Variants in EFS observed in about 807,000 individuals in gnomAD.
EFS encodes embryonal Fyn-associated substrate.
In EFS, 34 loss-of-function variants were observed where a neutral mutation model predicts 42.2. The observed-to-expected ratio is 0.81, with a 90% CI of 0.61 to 1.07. The LOEUF is 1.07. Ranked by LOEUF, EFS falls within the 50% of genes least tolerant of loss-of-function variation. The pLI, the probability that EFS is intolerant of heterozygous loss-of-function variation, is 0.00. For synonymous variants in EFS, 299 were observed against 320.7 expected (o/e 0.93, Z 0.72); for missense variants, 717 against 729.4 (o/e 0.98, Z 0.20).
chr14:23,360,716 A>G lies in EFS; in HGVS notation c.136T>C (p.Trp46Arg). The G allele has an allele frequency of 6.2e-7, 1 of 1,613,880 alleles. No homozygotes were observed. Among genetic ancestry groups the G allele is most frequent in the Non-Finnish European group, 8.5e-7 (1 of 1,179,872 alleles). ...QREGAGGLDG[W>R]CLCSLHGQQG... Reference sequence around the variant, plus strand: ...TGGCCGTGTAGGGAGCAGAGGCACCAGCCGTCCAGTCCACCAGCGCCCTCT... The same window carrying G: ...TGGCCGTGTAGGGAGCAGAGGCACCGGCCGTCCAGTCCACCAGCGCCCTCT... Residue 46 changes from tryptophan (W) to arginine (R), a missense_variant, in exon 2 of 6, where the codon TGG (tryptophan) becomes CGG (arginine). Transcript: ENST00000216733.
At position 23,358,967 on chromosome 14, in the gene EFS, T is replaced by C. The variant is rs750144956; in HGVS notation, c.1162-2A>G. ...AGATCCCTGAGCTTTGTCCATGCCCTGCAGGAGGGGATCAGGTCTCAGTGT... is the reference window on the plus strand; with the variant it reads ...AGATCCCTGAGCTTTGTCCATGCCCCGCAGGAGGGGATCAGGTCTCAGTGT... On this transcript the variant is annotated splice_acceptor_variant, in intron 4 of 5. Transcript: ENST00000216733. LOFTEE classifies it high-confidence loss of function. 24 of 1,607,072 alleles carry C rather than the reference T, an allele frequency of 1.5e-5. No individual in the cohort carries two copies. In the African/African-American group the frequency reaches 2.9e-4, roughly 20 times the overall value.
intron 2 of EFS, 96 bp from the exon 3 acceptor site, chr14:23,360,377 C>T: frequency 6.6e-7 from 1 of 1,515,170 alleles, no homozygotes; most frequent in Non-Finnish European, 8.8e-7. Flanking sequence ...TCTAACTCTC[C>T]CTGTATCGAG....
In EFS at chr14:23,359,855, C is replaced by T; in HGVS notation, c.623G>A (p.Gly208Glu). The stretch of plus-strand genomic sequence containing the variant: ...GATGGGGGGCCCCGGCTCCCGGCCT[C>T]CTTCCCACTCCAGATCTGGTTCCAG... ...AELEPDLEWE[G>E]GREPGPPIYA... Residue 208 changes from glycine to glutamate, a missense_variant, in exon 4 of 6, where the codon GGA becomes GAA. Transcript: ENST00000216733. The T allele has an allele frequency of 2.0e-6, 3 of 1,524,646 alleles. No homozygotes were observed. The highest frequency in any genetic ancestry group is 2.6e-6 in the Non-Finnish European group (3 of 1,139,578). 94.4% of individuals were successfully genotyped at this position (1,524,646 alleles called of 1,614,324 possible).
rs1221346521 is a variant in EFS, at chr14:23,360,588, A to G, written c.264T>C (p.Tyr88=). The change falls in exon 2 of 6, where the codon TAT becomes TAC. Residue 88 remains tyrosine (Y), a synonymous_variant. Transcript: ENST00000216733. ...PASPAQPGSP[Y]PAPDHSNEDQ... ...CCTCATTGCTGTGATCTGGGGCTGG[A>G]TATGGTGAGCCAGGCTGGGCTGGGG... 1 of 1,571,728 alleles carries G rather than the reference A, an allele frequency of 6.4e-7. No individual in the cohort carries two copies. Among genetic ancestry groups the G allele is most frequent in the African/African-American group, 1.3e-5 (1 of 74,082 alleles).
chr14:23,363,480 C>T (rs552750151), intron 1 of EFS, among the ~76,000 whole-genome samples: 1 of 152,042 alleles, frequency 6.6e-6, no homozygotes, highest in South Asian at 2.1e-4. Flanking sequence ...TGCCCCTGAC[C>T]CCAAAAAGAA....
rs1290454225 is a variant in EFS at position 23,363,340 on chromosome 14, G to C, written c.18+1668C>G. 2.0e-5 allele frequency among the ~76,000 whole-genome samples: 3 copies of C among 152,176 alleles called. No individual in the cohort carries two copies. In the East Asian group the frequency reaches 5.8e-4, roughly 29 times the overall value. ...AGATAATAACAATACTACCTTCACA[G>C]GGTAGTTGTGAGAGTTGCATGAGAT... On this transcript the variant is annotated intron_variant, in intron 1 of 5. Transcript: ENST00000216733.
At position 23,360,289 on chromosome 14, in the gene EFS, A is replaced by G. The variant is rs1890101484; in HGVS notation, c.298-8T>C. ...GGGCGGCACCACATACACCTGAGGG[A>G]TCAAATAGATGGGGGGTCAGGAGGA... On this transcript the variant is annotated splice_polypyrimidine_tract_variant and splice_region_variant and intron_variant, in intron 2 of 5. Coordinates refer to ENST00000216733, the MANE Select transcript of EFS (RefSeq NM_005864.4). The G allele has an allele frequency of 1.9e-6, 3 of 1,604,030 alleles. No homozygotes were observed. In the Middle Eastern group the frequency reaches 5.0e-4, roughly 267 times the overall value.
Position 23,357,537 on chromosome 14 carries a change from A to G in EFS, c.1375T>C (p.Ser459Pro). 2.5e-6 allele frequency: 4 copies of G among 1,613,100 alleles called. No homozygotes were observed. The highest frequency in any genetic ancestry group is 1.3e-5 in the African/African-American group (1 of 75,044). The change falls in exon 6 of 6, where the codon TCC becomes CCC. Residue 459 changes from serine to proline, a missense_variant. Physicochemically the swap from Ser to Pro is moderately conservative, Grantham distance 74. Coordinates refer to ENST00000216733, the MANE Select transcript of EFS (RefSeq NM_005864.4). ...ALQAAVAALM[S>P]STQANQPPRL... ...GGGGGCTGATTAGCCTGGGTACTGG[A>G]CATCAGGGCTGCCACGGCTGCCTGC...
chr14:23,358,421 G>A (rs1483023561), intron 5 of EFS, among the ~76,000 whole-genome samples: 1 of 152,208 alleles, frequency 6.6e-6, no homozygotes, highest in African/African-American at 2.4e-5. Flanking sequence ...ATTGTGTTGC[G>A]ACCATTCTAC....
In EFS at chr14:23,358,899, C is replaced by G. The variant is rs149944703; in HGVS notation, c.1228G>C (p.Glu410Gln). The change falls in exon 5 of 6, where the codon GAG becomes CAG. Residue 410 changes from glutamate (E) to glutamine (Q), a missense_variant. Physicochemically the swap from Glu to Gln is conservative, Grantham distance 29. Transcript: ENST00000216733. The stretch of plus-strand genomic sequence containing the variant: ...ACCTGCGGCGCCGGCATCCCCCTCT[C>G]GGGCAGTTCAGGATCCCCTGTGCAG... ...QACTGDPELP[E>Q]RGMPAPQEAL... 6.2e-6 allele frequency: 10 copies of G among 1,612,828 alleles called. No individual in the cohort carries two copies. The highest frequency in any genetic ancestry group is 1.7e-5 in the Admixed American group (1 of 59,840).
chr14:23,361,639 T>G (rs1430554542), intron 1 of EFS, among the ~76,000 whole-genome samples: 1 of 152,118 alleles, frequency 6.6e-6, no homozygotes, highest in African/African-American at 2.4e-5. Context: ...TGAAGGGGGT[T>G]GGCAGGCCAA....
At position 23,365,085 on chromosome 14, in the gene EFS, T is replaced by C; in HGVS notation, c.-60A>G. On this transcript the variant is annotated 5_prime_UTR_variant, in exon 1 of 6. Transcript: ENST00000216733. This position sits in a 1 kb window ranked among gnomAD's most constrained non-coding sequence, Gnocchi z 5.3. The stretch of plus-strand genomic sequence containing the variant: ...GGCTCGGTTTTGCTGACTTCAGCGG[T>C]GGCTGCCCCGCACCATGGTCCGCGG... 33 of 1,263,942 alleles carry C rather than the reference T, an allele frequency of 2.6e-5. 1 individual carries two copies. Among genetic ancestry groups the C allele is most frequent in the Non-Finnish European group, 3.3e-5 (33 of 994,556 alleles). The allele number at this position is 1,263,942 out of a possible 1,614,324, so 78.3% of individuals were successfully genotyped here.
rs1465754133 is a variant in EFS, at chr14:23,357,125, C to T, written c.*101G>A. ...GAAAGGGCAGGAAAGGGGAAAGATA[C>T]CCCCATTTCTCCTAGTCCCTTAACA... On this transcript the variant is annotated 3_prime_UTR_variant, in exon 6 of 6. Transcript: ENST00000216733. The T allele has an allele frequency of 7.0e-6, 8 of 1,135,040 alleles. No individual in the cohort carries two copies. The highest frequency in any genetic ancestry group is 6.3e-5 in the African/African-American group (4 of 63,896). The allele number at this position is 1,135,040 out of a possible 1,614,324, so 70.3% of individuals were successfully genotyped here.
chr14:23,360,136 C>T lies in EFS; in HGVS notation c.438+5G>A. 1 of 1,614,192 alleles carries T rather than the reference C, an allele frequency of 6.2e-7. No homozygotes were observed. Among genetic ancestry groups the T allele is most frequent in the Non-Finnish European group, 8.5e-7 (1 of 1,180,028 alleles). On this transcript the variant is annotated splice_donor_5th_base_variant and intron_variant, in intron 3 of 5. Transcript: ENST00000216733. ...CCAACATACACAGGGACCTCTAGCCCTCACCTCCAAGGCATCTCTGGGAGC... is the reference window on the plus strand; with the variant it reads ...CCAACATACACAGGGACCTCTAGCCTTCACCTCCAAGGCATCTCTGGGAGC...
At chr14:23,363,304 T>C (rs1890214973) in intron 1 of EFS, among the ~76,000 whole-genome samples, 1 of 152,176 alleles carries the variant, frequency 6.6e-6, no homozygotes, top group Non-Finnish European at 1.5e-5. Flanking sequence ...CATATGCGCA[T>C]ATCCATTTTC....
Position 23,359,306 on chromosome 14 carries a change from G to C in EFS, c.1161+11C>G. The stretch of plus-strand genomic sequence containing the variant: ...GGGTCCCTCCTGGTGGGGCTGCCAA[G>C]GGGCGCTCACCTTCAGGTGGACATA... On this transcript the variant is annotated intron_variant, in intron 4 of 5. Transcript: ENST00000216733. 1 of 1,612,490 alleles carries C rather than the reference G, an allele frequency of 6.2e-7. No individual in the cohort carries two copies. Among genetic ancestry groups the C allele is most frequent in the African/African-American group, 1.3e-5 (1 of 75,028 alleles).
Position 23,357,192 on chromosome 14 carries a change from G to A in EFS, c.*34C>T, listed in dbSNP as rs768974432. 1 of 1,485,860 alleles carries A rather than the reference G, an allele frequency of 6.7e-7. No individual in the cohort carries two copies. 92.0% of individuals were successfully genotyped at this position (1,485,860 alleles called of 1,614,324 possible). A position where few individuals can be genotyped will look rare whatever the true frequency, so the allele number is the denominator to read the frequency against. On this transcript the variant is annotated 3_prime_UTR_variant, in exon 6 of 6. Transcript: ENST00000216733. ...CAAGGCCTAAAGGGGGGCTTTGGCAGGCAGGGGAGGAGCAGAGCTGTGCCA... is the reference window on the plus strand; with the variant it reads ...CAAGGCCTAAAGGGGGGCTTTGGCAAGCAGGGGAGGAGCAGAGCTGTGCCA...
rs2138537533 is a variant in EFS at position 23,360,031 on chromosome 14, A to G, written c.447T>C (p.Asp149=). Residue 149 remains aspartate (D), a synonymous_variant, in exon 4 of 6, where the codon GAT becomes GAC. Coordinates refer to ENST00000216733, the MANE Select transcript of EFS (RefSeq NM_005864.4). ...GCACCCGGAGGGCGGTGGGGGGCAC[A>G]TCGTAGACCTGCGGAAAGGAGTGGT... The part of the protein sequence containing the change: ...AAPRDALEVY[D]VPPTALRVPS... 6.2e-7 allele frequency: 1 copy of G among 1,612,046 alleles called. No homozygotes were observed. Among genetic ancestry groups the G allele is most frequent in the Non-Finnish European group, 8.5e-7 (1 of 1,179,176 alleles).
chr14:23,360,932 G>C (rs1890133708), intron 1 of EFS, 99 bp from the exon 2 acceptor site: 7 of 1,278,362 alleles, frequency 5.5e-6, no homozygotes, highest in South Asian at 1.6e-5. Context: ...TTTCCCTCAA[G>C]CTAAAAAACC....
Sources: allele counts gnomAD v4.1 joint callset (sites outside exome capture counted in the v4.1 genomes callset), GRCh38; gene constraint gnomAD v4.1.1; non-coding constraint Gnocchi (gnomAD v3.1); transcripts MANE v1.5; gene names NCBI Gene and HGNC (gene_info 2026-07-23, HGNC 2026-07-21).